The following WFS1 variants were observed in gnomAD, a reference collection of about 807,000 sequenced individuals.
The protein encoded by WFS1 is wolframin.
WFS1 carries 90 observed loss-of-function variants against 68.5 expected under a neutral mutation model. That is an observed-to-expected ratio of 1.31 (90% CI 1.11 to 1.56). WFS1 has a LOEUF of 1.56. Among genes scored for constraint, WFS1 ranks in the 40% most tolerant of loss-of-function variants. WFS1 has a pLI of 0.00. For missense variants in WFS1, 1,767 were observed against 1,232.6 expected, an observed-to-expected ratio of 1.43 and a Z score of -6.49; for synonymous variants, 860 against 540.7, an observed-to-expected ratio of 1.59 and a Z score of -8.19.
In WFS1 at chr4:6,302,064, C is replaced by G. The variant is rs745380471; in HGVS notation, c.2269C>G (p.Leu757Val). ...TSTAEEELCR[L>V]KLLAKHPCHI... Reference sequence around the variant, plus strand: ...CACGGCCGAGGAGGAGCTCTGTCGCCTTAAGCTGCTGGCCAAGCACCCCTG... The same window carrying G: ...CACGGCCGAGGAGGAGCTCTGTCGCGTTAAGCTGCTGGCCAAGCACCCCTG... The change falls in exon 8 of 8, where the codon CTT (leucine) becomes GTT (valine). Residue 757 changes from leucine to valine, a missense_variant. By Grantham distance (32) the Leu-to-Val change is conservative. Coordinates refer to ENST00000226760, the MANE Select transcript of WFS1 (RefSeq NM_006005.3). 6.2e-7 allele frequency: 1 copy of G among 1,612,918 alleles called. No individual in the cohort carries two copies. The highest frequency in any genetic ancestry group is 2.2e-5 in the East Asian group (1 of 44,882).
Position 6,302,715 on chromosome 4 carries a change from TTC to T in WFS1, c.*249_*250del, listed in dbSNP as rs1291226032. 3.4e-5 allele frequency: 21 copies of T among 611,532 alleles called. No homozygotes were observed. The highest frequency in any genetic ancestry group is 9.2e-5 in the Admixed American group (3 of 32,610). The allele number at this position is 611,532 out of a possible 1,614,324, so 37.9% of individuals were successfully genotyped here. ...GCCATCTCCACCCTGAGCCTGACCT[TTC>T]TGAGTGACATGGGTGTGCCAGGCTA... On this transcript the variant is annotated 3_prime_UTR_variant, in exon 8 of 8. Transcript: ENST00000226760.
chr4:6,284,702 A>T (rs770617988), intron 2 of WFS1, among the ~76,000 whole-genome samples: 5 of 151,808 alleles, frequency 3.3e-5, no homozygotes, highest in African/African-American at 4.8e-5. Flanking sequence ...TGGACCACTC[A>T]CTACAAAGCA....
chr4:6,285,242 C>A (rs1057273310), intron 2 of WFS1, among the ~76,000 whole-genome samples: 14 of 150,070 alleles, frequency 9.3e-5, no homozygotes, highest in African/African-American at 3.4e-4. Flanking sequence ...GAGGGACATT[C>A]AGGGAGGAGT....
Position 6,302,368 on chromosome 4 carries a change from G to T in WFS1, c.2573G>T (p.Arg858Met). 1 of 1,613,108 alleles carries T rather than the reference G, an allele frequency of 6.2e-7. No homozygotes were observed. ...LNCMAQLSPT[R>M]RHVKIEHDWR... ...TGCATGGCCCAGCTCTCACCCACCA[G>T]GCGGCACGTGAAGATCGAGCACGAC... The change falls in exon 8 of 8, where the codon AGG becomes ATG. Residue 858 changes from arginine to methionine, a missense_variant. Physicochemically the swap from Arg to Met is moderately conservative, Grantham distance 91. Transcript: ENST00000226760.
Position 6,301,499 on chromosome 4 carries a change from T to C in WFS1, c.1704T>C (p.Phe568=). Residue 568 remains phenylalanine, a synonymous_variant, in exon 8 of 8, where the codon TTT becomes TTC. Coordinates refer to ENST00000226760, the MANE Select transcript of WFS1 (RefSeq NM_006005.3). ...RASIGYFLFL[F]ALPILVAGLA... ...CCATCGGCTACTTCCTCTTCCTCTT[T>C]GCCCTCCCCATCCTGGTGGCCGGCC... 1 of 1,613,392 alleles carries C rather than the reference T, an allele frequency of 6.2e-7. No homozygotes were observed. The highest frequency in any genetic ancestry group is 8.5e-7 in the Non-Finnish European group (1 of 1,179,882).
chr4:6,292,779 G>A (rs1413187543), intron 6 of WFS1, among the ~76,000 whole-genome samples: 1 of 152,144 alleles, frequency 6.6e-6, no homozygotes, highest in Non-Finnish European at 1.5e-5. Context: ...TTCTTTCTGG[G>A]TGTCAGTTTC....
At chr4:6,273,064 G>T (rs1381101941) in intron 1 of WFS1, among the ~76,000 whole-genome samples, 3 of 152,252 alleles carry the variant, frequency 2.0e-5, no homozygotes, top group Non-Finnish European at 4.4e-5. Flanking sequence ...CAGAGAGAGT[G>T]AACATCATCT....
chr4:6,273,028 G>A (rs928956299), intron 1 of WFS1, among the ~76,000 whole-genome samples: 1 of 152,250 alleles, frequency 6.6e-6, no homozygotes, highest in Non-Finnish European at 1.5e-5. Context: ...CCCCTGGACT[G>A]GCATCCTGGA....
rs775892252 is a variant in WFS1 at position 6,287,699 on chromosome 4, A to G, written c.315+524A>G. ...CAGACCCAAAAAACCCAAGTAGACA[A>G]GACACAGAAATACAGTGATTTTGAA... is the stretch of plus-strand genomic sequence containing the variant. On this transcript the variant is annotated intron_variant, in intron 3 of 7. Transcript: ENST00000226760. The surrounding 1 kb of genome is among the most constrained non-coding windows in gnomAD (Gnocchi z 6.4). Among the ~76,000 whole-genome samples the G allele has an allele frequency of 6.6e-5, 10 of 152,152 alleles. No individual in the cohort carries two copies. Among genetic ancestry groups the G allele is most frequent in the Non-Finnish European group, 1.2e-4 (8 of 68,038 alleles).
chr4:6,291,547 G>C (rs558636279), intron 5 of WFS1, among the ~76,000 whole-genome samples, 180 bp downstream of exon 5: 135 of 152,278 alleles, frequency 8.9e-4, no homozygotes, highest in African/African-American at 3.0e-3. Flanking sequence ...GAACCTTCCT[G>C]TAGAGACCGT....
chr4:6,292,817 A>G (rs13103357), intron 6 of WFS1, among the ~76,000 whole-genome samples: 97,249 of 151,996 alleles, frequency 0.64, 31,716 homozygotes, highest in East Asian at 0.94. Context: ...ATGATCAGAC[A>G]AGGGGACTGA....
At chr4:6,296,554 A>G (rs920494252) in intron 7 of WFS1, among the ~76,000 whole-genome samples, 11 of 152,216 alleles carry the variant, frequency 7.2e-5, no homozygotes, top group African/African-American at 2.4e-4. Context: ...ATTGGGTGCC[A>G]TCATCTCCTT....
At chr4:6,284,179 G>C (rs1208182426) in intron 2 of WFS1, among the ~76,000 whole-genome samples, 1 of 152,070 alleles carries the variant, frequency 6.6e-6, no homozygotes. Flanking sequence ...AGACCAGCCT[G>C]GCCAACATGG....
rs2109116520 is a variant in WFS1 at position 6,291,199 on chromosome 4, A to G, written c.463A>G (p.Ile155Val). The G allele has an allele frequency of 6.2e-7, 1 of 1,612,300 alleles. No individual in the cohort carries two copies. The highest frequency in any genetic ancestry group is 1.3e-5 in the African/African-American group (1 of 75,026). Reference protein sequence around the residue: ...LRRCLADRRGITSENEREVRQ... With the variant: ...LRRCLADRRGVTSENEREVRQ... Reference sequence around the variant, plus strand: ...TTTGACCACATCCTATCCCTCAGGCATCACGTCCGAGAACGAACGGGAGGT... The same window carrying G: ...TTTGACCACATCCTATCCCTCAGGCGTCACGTCCGAGAACGAACGGGAGGT... The change falls in exon 5 of 8, where the codon ATC becomes GTC. Residue 155 changes from isoleucine to valine, a missense_variant and splice_region_variant. Transcript: ENST00000226760.
rs1578614350 is a variant in WFS1 at position 6,302,836 on chromosome 4, T to G, written c.*368T>G. 3.0e-6 allele frequency: 1 copy of G among 337,950 alleles called. No homozygotes were observed. Among genetic ancestry groups the G allele is most frequent in the Non-Finnish European group, 5.5e-6 (1 of 182,930 alleles). 20.9% of individuals were successfully genotyped at this position (337,950 alleles called of 1,614,324 possible). ...GCACCCTGTTCCCTCTTTCTTTCTT[T>G]TGTGTTGGATTTGTTTAAAAACCAA... On this transcript the variant is annotated 3_prime_UTR_variant, in exon 8 of 8. Transcript: ENST00000226760.
chr4:6,279,042 C>G (rs1310361837), intron 2 of WFS1, among the ~76,000 whole-genome samples: 1 of 152,166 alleles, frequency 6.6e-6, no homozygotes, highest in Non-Finnish European at 1.5e-5. Context: ...TGGGCGCCGC[C>G]TGACAGCCCA....
intron 7 of WFS1, among the ~76,000 whole-genome samples, chr4:6,297,159 G>T (rs965955350): frequency 3.9e-5 from 6 of 152,212 alleles, no homozygotes; most frequent in African/African-American, 1.4e-4. Flanking sequence ...AGAGATTTAA[G>T]CTGTTTTGAC....
In WFS1 at chr4:6,301,807, C is replaced by G. The variant is rs71530907; in HGVS notation, c.2012C>G (p.Ala671Gly). ...NSTLTWQQYG[A>G]LCGPRAWKET... Reference sequence around the variant, plus strand: ...ACACTGACCTGGCAGCAGTATGGTGCGCTGTGCGGGCCACGCGCCTGGAAG... The same window carrying G: ...ACACTGACCTGGCAGCAGTATGGTGGGCTGTGCGGGCCACGCGCCTGGAAG... Residue 671 changes from alanine to glycine, a missense_variant, in exon 8 of 8, where the codon GCG becomes GGG. Physicochemically the swap from Ala to Gly is moderately conservative, Grantham distance 60. Coordinates refer to ENST00000226760, the MANE Select transcript of WFS1 (RefSeq NM_006005.3). 6.2e-7 allele frequency: 1 copy of G among 1,613,206 alleles called. No individual in the cohort carries two copies. Among genetic ancestry groups the G allele is most frequent in the Non-Finnish European group, 8.5e-7 (1 of 1,180,012 alleles).
intron 2 of WFS1, among the ~76,000 whole-genome samples, chr4:6,282,229 A>G (rs1730191117): frequency 6.6e-6 from 1 of 152,200 alleles, no homozygotes; most frequent in African/African-American, 2.4e-5. Flanking sequence ...CACGAGAATC[A>G]TTGTCAGTGT....
Sources: gnomAD v4.1 joint callset for allele counts (sites outside exome capture counted in the v4.1 genomes callset) on GRCh38, gnomAD v4.1.1 for gene constraint, Gnocchi (gnomAD v3.1) non-coding constraint, MANE v1.5 for transcripts, NCBI Gene and HGNC (gene_info 2026-07-23, HGNC 2026-07-21) for gene names.